Variants in COL22A1 observed in about 807,000 individuals in gnomAD.
COL22A1 encodes the protein collagen type XXII alpha 1 chain.
In COL22A1, 221 loss-of-function variants were observed where a neutral mutation model predicts 248.9. The observed-to-expected ratio is 0.89, with a 90% CI of 0.80 to 0.99. COL22A1 has a LOEUF of 0.99. Ranked by LOEUF, COL22A1 falls within the 50% of genes least tolerant of loss-of-function variation. The pLI, the probability that COL22A1 is intolerant of heterozygous loss-of-function variation, is 0.00. For missense variants in COL22A1, 2,240 were observed against 2,179.0 expected, an observed-to-expected ratio of 1.03 and a Z score of -0.56; for synonymous variants, 891 against 793.4, an observed-to-expected ratio of 1.12 and a Z score of -2.07.
intron 22 of COL22A1, among the ~76,000 whole-genome samples, chr8:138,737,877 C>G (rs1047789560): frequency 2.6e-5 from 4 of 152,052 alleles, no homozygotes; most frequent in Admixed American, 2.0e-4. Context: ...TCCTTTTAAT[C>G]CCAGTCTCAG....
intron 1 of COL22A1, among the ~76,000 whole-genome samples, chr8:138,883,608 G>A (rs1185311258): frequency 6.6e-6 from 1 of 152,154 alleles, no homozygotes; most frequent in East Asian, 1.9e-4. Flanking sequence ...GGACCTGGTC[G>A]GAGGTGATTG....
intron 7 of COL22A1, 134 bp from the exon 8 acceptor site, chr8:138,813,153 A>G: frequency 1.5e-6 from 1 of 669,828 alleles, no homozygotes; most frequent in East Asian, 2.7e-5. Context: ...CCACCCCAGG[A>G]TACCCCTATC....
At chr8:138,815,620 A>G (rs1224007962) in intron 7 of COL22A1, among the ~76,000 whole-genome samples, 1 of 152,140 alleles carries the variant, frequency 6.6e-6, no homozygotes, top group African/African-American at 2.4e-5. Context: ...ACTTCTCACA[A>G]TGAATGATTC....
chr8:138,805,333 C>G (rs111066392), intron 10 of COL22A1, among the ~76,000 whole-genome samples: 5 of 115,550 alleles, frequency 4.3e-5, no homozygotes, highest in Middle Eastern at 7.5e-3. Flanking sequence ...GATGGTGTGG[C>G]TGTGTGATGG....
intron 33 of COL22A1, 74 bp from the exon 34 acceptor site, chr8:138,694,635 G>C: frequency 2.7e-6 from 4 of 1,490,730 alleles, no homozygotes; most frequent in Non-Finnish European, 3.7e-6. Flanking sequence ...GGGCGGGGAC[G>C]TTGCAATGGG....
chr8:138,684,643 A>G (rs184708710), intron 38 of COL22A1, among the ~76,000 whole-genome samples, 174 bp from the exon 39 acceptor site: 3 of 152,258 alleles, frequency 2.0e-5, no homozygotes, highest in Admixed American at 2.0e-4. Context: ...AAGGCCCTGG[A>G]TGTGAATTCC....
At chr8:138,607,848 G>C (rs1308601609) in intron 57 of COL22A1, 88 bp downstream of exon 57, 13 of 1,304,050 alleles carry the variant, frequency 1.0e-5, no homozygotes, top group Non-Finnish European at 1.2e-5. Flanking sequence ...TGCTTCTAGG[G>C]ACAGAGGCTG....
chr8:138,845,042 G>A (rs1586875957), intron 3 of COL22A1, among the ~76,000 whole-genome samples: 3 of 151,832 alleles, frequency 2.0e-5, no homozygotes, highest in East Asian at 1.9e-4. Flanking sequence ...GTGCAGGGAC[G>A]GACCAGAAAG....
At chr8:138,599,461 A>T (rs1349352094) in intron 60 of COL22A1, among the ~76,000 whole-genome samples, 1 of 152,208 alleles carries the variant, frequency 6.6e-6, no homozygotes, top group African/African-American at 2.4e-5. Flanking sequence ...CCTGGGCGAC[A>T]GAGCAAGCCT....
chr8:138,707,367 A>T (rs1185944413), intron 30 of COL22A1, among the ~76,000 whole-genome samples: 1 of 152,228 alleles, frequency 6.6e-6, no homozygotes, highest in Non-Finnish European at 1.5e-5. Context: ...TCCCTGATGA[A>T]CATCGATGCA....
At chr8:138,819,827 G>C (rs1274202541) in intron 7 of COL22A1, among the ~76,000 whole-genome samples, 2 of 151,590 alleles carry the variant, frequency 1.3e-5, no homozygotes, top group Non-Finnish European at 2.9e-5. Flanking sequence ...ACATGGGAAA[G>C]TTAAAAATTG....
chr8:138,868,152 G>A (rs571549704), intron 3 of COL22A1, among the ~76,000 whole-genome samples: 2 of 152,184 alleles, frequency 1.3e-5, no homozygotes, highest in Non-Finnish European at 2.9e-5. Context: ...GATGCTTTTA[G>A]ACCTGAGTCC....
intron 16 of COL22A1, among the ~76,000 whole-genome samples, chr8:138,770,630 C>A (rs2318333): frequency 0.4 from 61,497 of 152,120 alleles, 13,305 homozygotes; most frequent in African/African-American, 0.56. Flanking sequence ...AAGATGGAAA[C>A]CTTCTTGCTG....
At chr8:138,678,146 T>C (rs1236047888) in intron 40 of COL22A1, among the ~76,000 whole-genome samples, 2 of 152,198 alleles carry the variant, frequency 1.3e-5, no homozygotes, top group South Asian at 2.1e-4. Flanking sequence ...ATTCATTCAC[T>C]GCAAACCATA....
intron 6 of COL22A1, among the ~76,000 whole-genome samples, chr8:138,822,593 T>C (rs1289797238): frequency 6.6e-6 from 1 of 152,208 alleles, no homozygotes; most frequent in East Asian, 1.9e-4. Flanking sequence ...TCATCTGCTC[T>C]AATATTCACG....
rs752512872 is a variant in COL22A1 at position 138,591,517 on chromosome 8, T to C, written c.4616-16A>G. On this transcript the variant is annotated splice_polypyrimidine_tract_variant and intron_variant, in intron 63 of 64. Coordinates refer to ENST00000303045, the MANE Select transcript of COL22A1 (RefSeq NM_152888.3). ...CCTCGCTCACCTGGGAAGAAAAACATGCACTTTTGATGGTGGAGACCCCCG... is the reference window on the plus strand; with the variant it reads ...CCTCGCTCACCTGGGAAGAAAAACACGCACTTTTGATGGTGGAGACCCCCG... 3.9e-6 allele frequency: 6 copies of C among 1,523,998 alleles called. No individual in the cohort carries two copies. The highest frequency in any genetic ancestry group is 5.3e-6 in the Non-Finnish European group (6 of 1,130,366). 94.4% of individuals were successfully genotyped at this position (1,523,998 alleles called of 1,614,324 possible). A position where few individuals can be genotyped will look rare whatever the true frequency, so the allele number is the denominator to read the frequency against.
At chr8:138,845,258 G>A (rs980890826) in intron 3 of COL22A1, among the ~76,000 whole-genome samples, 2 of 125,934 alleles carry the variant, frequency 1.6e-5, no homozygotes, top group African/African-American at 5.9e-5. Context: ...GCTCATGCCT[G>A]TACTTTGGGA....
chr8:138,807,954 A>T, intron 9 of COL22A1, 142 bp from the exon 10 acceptor site: 1 of 766,988 alleles, frequency 1.3e-6, no homozygotes, highest in Non-Finnish European at 2.1e-6. Flanking sequence ...GGGCAAGGAA[A>T]TTGGTTGACT....
intron 56 of COL22A1, among the ~76,000 whole-genome samples, chr8:138,610,398 C>CTCTATACATA (rs1234442436): frequency 2.0e-5 from 3 of 152,244 alleles, no homozygotes; most frequent in African/African-American, 7.2e-5. Context: ...GATGGAAGCA[C>CTCTATACATA]TCTATACATA....
Sources: allele counts gnomAD v4.1 joint callset (sites outside exome capture counted in the v4.1 genomes callset), GRCh38; gene constraint gnomAD v4.1.1; transcripts MANE v1.5; gene names NCBI Gene and HGNC (gene_info 2026-07-23, HGNC 2026-07-21).